INPP5A: variants seen among roughly 807,000 people sequenced by gnomAD.
The protein encoded by INPP5A is inositol polyphosphate-5-phosphatase A, also known as 43 kDa inositol polyphosphate 5-phophatase.
Under a neutral mutation model 65.2 loss-of-function variants are expected in INPP5A, and 14 were observed. That is an observed-to-expected ratio of 0.21 (90% CI 0.14 to 0.34). The LOEUF (loss-of-function observed/expected upper bound fraction) is 0.34, where lower values mean the gene tolerates loss of function less well. INPP5A is among the 10% of genes least tolerant of loss of function. The pLI is 1.00. For synonymous variants in INPP5A, 207 were observed against 208.3 expected (o/e 0.99, Z 0.05); for missense variants, 431 against 545.6 (o/e 0.79, Z 2.09).
chr10:132,632,510 A>T (rs921009053), intron 2 of INPP5A, among the ~76,000 whole-genome samples: 1 of 152,120 alleles, frequency 6.6e-6, no homozygotes, highest in East Asian at 1.9e-4. Context: ...ATCCTCTGAG[A>T]GGCAGGAACC....
At chr10:132,581,102 C>T (rs578008054) in intron 1 of INPP5A, among the ~76,000 whole-genome samples, 2 of 152,182 alleles carry the variant, frequency 1.3e-5, no homozygotes, top group African/African-American at 4.8e-5. Flanking sequence ...TGTCGGAGGA[C>T]GCCACATTCA....
intron 8 of INPP5A, among the ~76,000 whole-genome samples, chr10:132,714,439 C>A (rs1310831020): frequency 6.6e-6 from 1 of 152,240 alleles, no homozygotes; most frequent in East Asian, 1.9e-4. Context: ...TGGACGCTGC[C>A]ACCAACGGGG....
At chr10:132,664,749 ACTG>A (rs1354357584) in intron 4 of INPP5A, among the ~76,000 whole-genome samples, 1 of 152,130 alleles carries the variant, frequency 6.6e-6, no homozygotes, top group Admixed American at 6.5e-5. Flanking sequence ...ACCTGTTAGA[ACTG>A]CTATGTGCTC....
In INPP5A at chr10:132,752,343, G is replaced by C. The variant is rs914821369; in HGVS notation, c.903+2498G>C. ...GGAAGGAGCTAGGAGACAGGGAAGA[G>C]GGAGGCTCCCTCAGCCACAGGTAGG... On this transcript the variant is annotated intron_variant, in intron 11 of 15. Coordinates refer to ENST00000368594, the MANE Select transcript of INPP5A (RefSeq NM_005539.5). 2.6e-5 allele frequency among the ~76,000 whole-genome samples: 4 copies of C among 151,802 alleles called. No homozygotes were observed. In the South Asian group the frequency reaches 6.3e-4, roughly 24 times the overall value.
chr10:132,646,157 G>A lies in INPP5A; in HGVS notation c.218+189G>A, dbSNP rs191630388. On this transcript the variant is annotated intron_variant, in intron 3 of 15. Transcript: ENST00000368594. Reference sequence around the variant, plus strand: ...GTGTGGCCACGAGCCTCCTTGGGGCGGCGACAGAAGGCCACGGAGTGACAG... The same window carrying A: ...GTGTGGCCACGAGCCTCCTTGGGGCAGCGACAGAAGGCCACGGAGTGACAG... 1.7e-4 allele frequency among the ~76,000 whole-genome samples: 26 copies of A among 152,310 alleles called. No homozygotes were observed. The East Asian group carries it at 4.3e-3, about 25-fold the overall frequency.
intron 9 of INPP5A, among the ~76,000 whole-genome samples, chr10:132,747,800 G>A (rs909117041): frequency 6.6e-6 from 1 of 152,222 alleles, no homozygotes; most frequent in Non-Finnish European, 1.5e-5. Context: ...TGTAATCCTA[G>A]CACTTTGGGA....
At chr10:132,609,906 T>C (rs889297996) in intron 2 of INPP5A, among the ~76,000 whole-genome samples, 2 of 152,236 alleles carry the variant, frequency 1.3e-5, no homozygotes, top group African/African-American at 4.8e-5. Context: ...CCTCCCAAAG[T>C]GCTGGGATTA....
At chr10:132,769,547 C>T (rs1224189931) in intron 12 of INPP5A, among the ~76,000 whole-genome samples, 2 of 152,226 alleles carry the variant, frequency 1.3e-5, no homozygotes, top group Admixed American at 1.3e-4. Context: ...AAGCTCTACA[C>T]GTGTGCTTAG....
Position 132,602,008 on chromosome 10 carries a change from A to T in INPP5A, c.76-5907A>T, listed in dbSNP as rs150649076. On this transcript the variant is annotated intron_variant, in intron 1 of 15. Transcript: ENST00000368594. ...TGGACTTTTCTGTTTCTGCAAAAGA[A>T]AGTCATTGGGATTTTGATATAAATG... 7.2e-5 allele frequency among the ~76,000 whole-genome samples: 11 copies of T among 152,332 alleles called. No individual in the cohort carries two copies. The East Asian group carries it at 1.5e-3, about 21-fold the overall frequency.
intron 8 of INPP5A, among the ~76,000 whole-genome samples, chr10:132,713,039 T>G (rs1845675342): frequency 6.6e-6 from 1 of 151,408 alleles, no homozygotes; most frequent in Non-Finnish European, 1.5e-5. Flanking sequence ...TGTGTGCGTG[T>G]GTGTGGGTGT....
Position 132,780,911 on chromosome 10 carries a change from C to T in INPP5A, c.1152C>T (p.Asp384=). 1 of 1,611,844 alleles carries T rather than the reference C, an allele frequency of 6.2e-7. No individual in the cohort carries two copies. The highest frequency in any genetic ancestry group is 1.3e-5 in the African/African-American group (1 of 74,862). The change falls in exon 14 of 16, where the codon GAC becomes GAT. Residue 384 remains aspartate (D), a synonymous_variant. Coordinates refer to ENST00000368594, the MANE Select transcript of INPP5A (RefSeq NM_005539.5). ...DHIGPNVCMG[D]HKPVFLAFRI... ...TTGGGCCCAACGTCTGCATGGGAGA[C>T]CACAAGGTGACATAGACTGAGGTCC...
chr10:132,679,365 G>A (rs887608992), intron 4 of INPP5A, among the ~76,000 whole-genome samples: 1 of 152,196 alleles, frequency 6.6e-6, no homozygotes, highest in Non-Finnish European at 1.5e-5. Context: ...CTTGTCACGG[G>A]AGACCCAAGT....
intron 1 of INPP5A, among the ~76,000 whole-genome samples, chr10:132,573,666 C>T (rs111509044): frequency 7.0e-5 from 5 of 71,154 alleles, no homozygotes; most frequent in Admixed American, 3.2e-4. Flanking sequence ...GTGTGCGTGC[C>T]GTGTGAGGTT....
rs1247375629 is a variant in INPP5A at position 132,697,437 on chromosome 10, G to A, written c.371-379G>A. Among the ~76,000 whole-genome samples the A allele has an allele frequency of 1.6e-4, 25 of 152,354 alleles. No homozygotes were observed. The highest frequency in any genetic ancestry group is 4.8e-4 in the African/African-American group (20 of 41,578). On this transcript the variant is annotated intron_variant, in intron 5 of 15. Transcript: ENST00000368594. The surrounding 1 kb of genome is among the most constrained non-coding windows in gnomAD (Gnocchi z 5.6). The stretch of plus-strand genomic sequence containing the variant: ...AATATGAGTGATGGAGGCTGGATAC[G>A]GGGAGGAAATCGATGTTATTAAATA...
intron 1 of INPP5A, among the ~76,000 whole-genome samples, chr10:132,571,651 G>T (rs540466538): frequency 1.3e-5 from 2 of 152,226 alleles, no homozygotes; most frequent in African/African-American, 4.8e-5. Flanking sequence ...CGTTTGTGCC[G>T]TAAGGACCCG....
chr10:132,626,924 G>A (rs962212042), intron 2 of INPP5A, among the ~76,000 whole-genome samples: 9 of 152,252 alleles, frequency 5.9e-5, no homozygotes, highest in East Asian at 3.9e-4. Flanking sequence ...GCACTGGGGC[G>A]GGGTGGGTGT....
chr10:132,739,760 C>A (rs1011012114), intron 9 of INPP5A, among the ~76,000 whole-genome samples: 1 of 152,210 alleles, frequency 6.6e-6, no homozygotes, highest in African/African-American at 2.4e-5. Context: ...CATCAAAGAT[C>A]GTCAGGCTTG....
intron 11 of INPP5A, among the ~76,000 whole-genome samples, chr10:132,764,278 C>T (rs1846789763): frequency 6.6e-6 from 1 of 152,244 alleles, no homozygotes; most frequent in Non-Finnish European, 1.5e-5. Context: ...AGCTCTAGCT[C>T]AATGCCATGC....
intron 4 of INPP5A, among the ~76,000 whole-genome samples, chr10:132,655,814 T>G (rs2072649029): frequency 6.6e-6 from 1 of 152,226 alleles, no homozygotes; most frequent in Admixed American, 6.5e-5. Flanking sequence ...CCAGCTCAGC[T>G]TGGTGACTTA....
Sources: gnomAD v4.1 joint callset for allele counts (sites outside exome capture counted in the v4.1 genomes callset) on GRCh38, gnomAD v4.1.1 for gene constraint, Gnocchi (gnomAD v3.1) non-coding constraint, MANE v1.5 for transcripts, NCBI Gene and HGNC (gene_info 2026-07-23, HGNC 2026-07-21) for gene names.